Variants in CDH11 observed in about 807,000 individuals in gnomAD.
The protein encoded by CDH11 is cadherin 11, also known as cadherin-11.
A neutral mutation model predicts 67.8 loss-of-function variants in CDH11; 11 were observed. The ratio of observed to expected loss-of-function variants is 0.16; its 90% CI spans 0.10 to 0.27. The LOEUF (loss-of-function observed/expected upper bound fraction) is 0.27. Among genes scored for constraint, CDH11 ranks in the 10% least tolerant of loss-of-function variants. The pLI is 1.00. For synonymous variants in CDH11, 419 were observed against 400.0 expected, an observed-to-expected ratio of 1.05 and a Z score of -0.57; for missense variants, 847 against 1,031.2, an observed-to-expected ratio of 0.82 and a Z score of 2.45.
intron 2 of CDH11, among the ~76,000 whole-genome samples, chr16:65,006,640 A>G (rs1435185653): frequency 6.6e-6 from 1 of 152,174 alleles, no homozygotes; most frequent in African/African-American, 2.4e-5. Flanking sequence ...CCAGAGTGTC[A>G]CAACATAGGG....
intron 1 of CDH11, among the ~76,000 whole-genome samples, chr16:65,071,351 C>T (rs1392310429): frequency 6.6e-6 from 1 of 152,066 alleles, no homozygotes; most frequent in Non-Finnish European, 1.5e-5. Context: ...CGCGTGCATA[C>T]ACACATGCAT....
intron 11 of CDH11, among the ~76,000 whole-genome samples, chr16:64,958,869 CA>C (rs1266586053): frequency 1.3e-5 from 2 of 152,108 alleles, no homozygotes; most frequent in Non-Finnish European, 2.9e-5. Context: ...CACAAACAAT[CA>C]GGGGTACTCA....
At chr16:65,057,044 T>C (rs1217915071) in intron 1 of CDH11, among the ~76,000 whole-genome samples, 1 of 151,996 alleles carries the variant, frequency 6.6e-6, no homozygotes, top group Non-Finnish European at 1.5e-5. Flanking sequence ...ATCATGTTTC[T>C]TACAAAAAAA....
chr16:65,060,428 T>C (rs1424579032), intron 1 of CDH11, among the ~76,000 whole-genome samples: 1 of 152,126 alleles, frequency 6.6e-6, no homozygotes, highest in East Asian at 1.9e-4. Flanking sequence ...GAAAAGACTT[T>C]CTCCAGGAGA....
At chr16:65,093,346 C>T (rs114305175) in intron 1 of CDH11, among the ~76,000 whole-genome samples, 2,876 of 151,278 alleles carry the variant, frequency 0.019, 101 homozygotes, top group African/African-American at 0.067. Context: ...CCTAGGCATG[C>T]AAACAATGAG....
intron 2 of CDH11, among the ~76,000 whole-genome samples, chr16:65,053,246 C>T (rs2074087540): frequency 6.6e-6 from 1 of 152,120 alleles, no homozygotes; most frequent in Non-Finnish European, 1.5e-5. Flanking sequence ...TGTTAGAAAT[C>T]CTAGGTCCAG....
chr16:65,120,131 T>C (rs1421484889), intron 1 of CDH11, among the ~76,000 whole-genome samples: 1 of 152,208 alleles, frequency 6.6e-6, no homozygotes, highest in African/African-American at 2.4e-5. Flanking sequence ...GCAGTTAATA[T>C]TTCTGTTCTG....
intron 2 of CDH11, among the ~76,000 whole-genome samples, chr16:65,031,266 T>A (rs571481614): frequency 7.9e-5 from 12 of 152,334 alleles, no homozygotes; most frequent in African/African-American, 2.6e-4. Context: ...AGCCCGGTGG[T>A]GTATTAAGCA....
intron 11 of CDH11, among the ~76,000 whole-genome samples, chr16:64,970,070 CAGGG>C (rs2071960676): frequency 1.3e-5 from 2 of 152,172 alleles, no homozygotes; most frequent in African/African-American, 4.8e-5. Context: ...CAAATTGAAA[CAGGG>C]GTTGTTTCGT....
chr16:65,121,865 G>A lies in CDH11; in HGVS notation c.-298+15C>T, dbSNP rs1289216783. On this transcript the variant is annotated intron_variant, in intron 1 of 12. Coordinates refer to ENST00000268603, the MANE Select transcript of CDH11 (RefSeq NM_001797.4). This position sits in a 1 kb window ranked among gnomAD's most constrained non-coding sequence, Gnocchi z 4.1. The stretch of plus-strand genomic sequence containing the variant: ...CCCAACCAGGCGAGAGGAAGGGACT[G>A]GCGGCGCACCTCACCTGGGGCCCTT... 2 of 701,954 alleles carry A rather than the reference G, an allele frequency of 2.8e-6. No homozygotes were observed. The highest frequency in any genetic ancestry group is 1.5e-5 in the South Asian group (1 of 67,584). The allele number at this position is 701,954 out of a possible 1,614,324, so 43.5% of individuals were successfully genotyped here.
intron 1 of CDH11, among the ~76,000 whole-genome samples, chr16:65,054,950 G>A (rs1203082454): frequency 2.0e-5 from 3 of 152,208 alleles, no homozygotes; most frequent in Non-Finnish European, 2.9e-5. Context: ...GCCCTTTTTA[G>A]TGAAGGGATG....
In CDH11 at chr16:64,951,006, C is replaced by T. The variant is rs2142372187; in HGVS notation, c.1655G>A (p.Gly552Asp). 1 of 1,613,334 alleles carries T rather than the reference C, an allele frequency of 6.2e-7. No homozygotes were observed. Among genetic ancestry groups the T allele is most frequent in the Non-Finnish European group, 8.5e-7 (1 of 1,179,604 alleles). The change falls in exon 12 of 13, where the codon GGC becomes GAC. Residue 552 changes from glycine (G) to aspartate (D), a missense_variant. Physicochemically the swap from Gly to Asp is moderately conservative, Grantham distance 94. Transcript: ENST00000268603. ...TVRDNRDNTA[G>D]VYARRGGFSR... ...GAACCCTCCACGCCGGGCGTACACG[C>T]CTGCTGTGTTATCTGCAGAAAGAGG...
chr16:64,998,950 C>T lies in CDH11; in HGVS notation c.229-94G>A, dbSNP rs1036780288. The T allele has an allele frequency of 1.0e-5, 10 of 970,110 alleles. No individual in the cohort carries two copies. The African/African-American group carries it at 1.5e-4, about 14-fold the overall frequency. 60.1% of individuals were successfully genotyped at this position (970,110 alleles called of 1,614,324 possible). On this transcript the variant is annotated intron_variant, in intron 3 of 12. Transcript: ENST00000268603. ...ATTGCAACAATCTGCTGCGCACACA[C>T]ACACGTCATGAAAGGGAGATGTTCT...
At chr16:65,096,481 T>G (rs937183396) in intron 1 of CDH11, among the ~76,000 whole-genome samples, 1 of 149,958 alleles carries the variant, frequency 6.7e-6, no homozygotes, top group African/African-American at 2.5e-5. Flanking sequence ...ATATACCTAT[T>G]TGTACATATA....
chr16:65,033,942 C>T (rs1265473390), intron 2 of CDH11, among the ~76,000 whole-genome samples: 1 of 152,080 alleles, frequency 6.6e-6, no homozygotes. Context: ...AAGACACTTA[C>T]ACTTGGATGC....
intron 2 of CDH11, among the ~76,000 whole-genome samples, chr16:65,027,401 T>C (rs1029837259): frequency 1.3e-5 from 2 of 152,192 alleles, no homozygotes; most frequent in African/African-American, 4.8e-5. Flanking sequence ...TCAGGGATCT[T>C]ACATACCATT....
intron 1 of CDH11, among the ~76,000 whole-genome samples, chr16:65,063,698 T>TAC (rs139185602): frequency 0.015 from 2,306 of 151,976 alleles, 28 homozygotes; most frequent in Non-Finnish European, 0.024. Context: ...TGTGTGTCAG[T>TAC]ACACACACAC....
At chr16:65,043,903 G>A (rs1419611658) in intron 2 of CDH11, among the ~76,000 whole-genome samples, 1 of 152,040 alleles carries the variant, frequency 6.6e-6, no homozygotes, top group East Asian at 1.9e-4. Flanking sequence ...GGACAACTCT[G>A]TTTTCTAGGC....
At chr16:64,993,196 A>ACCTT (rs71143543) in intron 4 of CDH11, among the ~76,000 whole-genome samples, 162 bp from the exon 5 acceptor site, 14,847 of 147,130 alleles carry the variant, frequency 0.1, 1,039 homozygotes, top group African/African-American at 0.19. Context: ...CAGCCAACCA[A>ACCTT]CCTTCCTTCC....
Sources: allele counts gnomAD v4.1 joint callset (sites outside exome capture counted in the v4.1 genomes callset), GRCh38; gene constraint gnomAD v4.1.1; non-coding constraint Gnocchi (gnomAD v3.1); transcripts MANE v1.5; gene names NCBI Gene and HGNC (gene_info 2026-07-23, HGNC 2026-07-21).